Variants in ABCA12 observed in about 807,000 individuals in gnomAD.
ABCA12 encodes the protein glucosylceramide transporter ABCA12.
A neutral mutation model predicts 293.5 loss-of-function variants in ABCA12; 156 were observed. That is an observed-to-expected ratio of 0.53 (90% CI 0.47 to 0.61). The LOEUF is 0.61. Among genes scored for constraint, ABCA12 ranks in the 20% least tolerant of loss-of-function variants. The probability of loss-of-function intolerance (pLI) is 0.00; values close to 1 mark genes in which losing one functional copy is unlikely to be tolerated. For missense variants in ABCA12, 2,797 were observed against 3,090.2 expected (o/e 0.91, Z 2.25); for synonymous variants, 1,063 against 1,108.0 (o/e 0.96, Z 0.81).
intron 3 of ABCA12, among the ~76,000 whole-genome samples, chr2:215,057,400 T>C (rs1440046443): frequency 1.3e-5 from 2 of 151,998 alleles, no homozygotes; most frequent in Non-Finnish European, 1.5e-5. Context: ...ACCATCAATA[T>C]GGAGCTGGAG....
chr2:214,937,323 C>T (rs181437027), intron 51 of ABCA12, among the ~76,000 whole-genome samples, 187 bp downstream of exon 51: 5 of 152,210 alleles, frequency 3.3e-5, no homozygotes, highest in East Asian at 1.9e-4. Context: ...CTCAGCCTCC[C>T]GAGTAGCTGG....
chr2:214,931,566 A>C lies in ABCA12; in HGVS notation c.*1068T>G, dbSNP rs1430851575. 2.2e-5 allele frequency: 3 copies of C among 137,058 alleles called. No homozygotes were observed. Among genetic ancestry groups the C allele is most frequent in the Non-Finnish European group, 5.1e-5 (3 of 59,222 alleles). The allele number at this position is 137,058 out of a possible 1,614,324, so 8.5% of individuals were successfully genotyped here. ...ATGAGTTTTTCTAAACTTTGAGTTT[A>C]TTGGTTTTCGAGACAAACAGTCATG... is the stretch of plus-strand genomic sequence containing the variant. On this transcript the variant is annotated 3_prime_UTR_variant, in exon 53 of 53. Transcript: ENST00000272895.
intron 3 of ABCA12, among the ~76,000 whole-genome samples, chr2:215,055,776 T>TTG (rs1378231986): frequency 6.6e-6 from 1 of 152,068 alleles, no homozygotes; most frequent in Non-Finnish European, 1.5e-5. Context: ...AATGTACTTT[T>TTG]TGCTCCAAAA....
chr2:215,029,690 A>G (rs1277589227), intron 9 of ABCA12, among the ~76,000 whole-genome samples: 2 of 152,158 alleles, frequency 1.3e-5, no homozygotes, highest in Non-Finnish European at 1.5e-5. Flanking sequence ...GTATACTCCA[A>G]AATAAGATCT....
At chr2:214,950,797 A>C in intron 45 of ABCA12, 82 bp downstream of exon 45, 1 of 1,468,234 alleles carries the variant, frequency 6.8e-7, no homozygotes, top group Non-Finnish European at 9.5e-7. Flanking sequence ...GAGCCACTGT[A>C]CCTGGCCAAT....
rs111946930 is a variant in ABCA12 at position 214,997,841 on chromosome 2, C to A, written c.3180-32G>T. On this transcript the variant is annotated intron_variant, in intron 22 of 52. Coordinates refer to ENST00000272895, the MANE Select transcript of ABCA12 (RefSeq NM_173076.3). ...AACAAACAAAAAAAGAAAAATTCAG[C>A]GACCAAAATGAACACCATACTTGCA... The A allele has an allele frequency of 4.5e-4, 608 of 1,353,696 alleles. No homozygotes were observed. The African/African-American group carries it at 8.1e-3, about 18-fold the overall frequency. The allele number at this position is 1,353,696 out of a possible 1,614,324, so 83.9% of individuals were successfully genotyped here. A position where few individuals can be genotyped will look rare whatever the true frequency, so the allele number is the denominator to read the frequency against.
At chr2:214,974,103 A>G in intron 35 of ABCA12, 61 bp from the exon 36 acceptor site, 1 of 1,395,272 alleles carries the variant, frequency 7.2e-7, no homozygotes, top group Middle Eastern at 1.8e-4. Flanking sequence ...ATGTTTACAT[A>G]TGAGCATGTA....
At chr2:214,977,880 C>CTTTTTTTTTTTTTTCCTT (rs1699555308) in intron 33 of ABCA12, among the ~76,000 whole-genome samples, 1 of 140,264 alleles carries the variant, frequency 7.1e-6, no homozygotes, top group African/African-American at 2.6e-5. Context: ...CTTTTTTTTC[C>CTTTTTTTTTTTTTTCCTT]TTTTTTTTTT....
intron 31 of ABCA12, among the ~76,000 whole-genome samples, 188 bp downstream of exon 31, chr2:214,980,295 G>A (rs966595441): frequency 6.1e-4 from 93 of 152,200 alleles, no homozygotes; most frequent in African/African-American, 2.1e-3. Context: ...GACACTCTTG[G>A]GGTGGGGCCA....
chr2:215,124,351 T>A (rs1366965576), intron 1 of ABCA12, among the ~76,000 whole-genome samples: 1 of 152,192 alleles, frequency 6.6e-6, no homozygotes, highest in African/African-American at 2.4e-5. Flanking sequence ...TGGATCAAAT[T>A]GTAGTTCTAG....
chr2:215,032,008 G>T, intron 8 of ABCA12, 112 bp from the exon 9 acceptor site: 1 of 1,575,176 alleles, frequency 6.3e-7, no homozygotes, highest in Non-Finnish European at 8.6e-7. Flanking sequence ...GCAGAAATCT[G>T]CAGAATCATT....
chr2:214,949,100 T>C lies in ABCA12; in HGVS notation c.6902A>G (p.Lys2301Arg). The C allele has an allele frequency of 6.2e-7, 1 of 1,613,934 alleles. No individual in the cohort carries two copies. The highest frequency in any genetic ancestry group is 8.5e-7 in the Non-Finnish European group (1 of 1,179,920). The change falls in exon 46 of 53, where the codon AAG becomes AGG. Residue 2301 changes from lysine to arginine, a missense_variant. Lys to Arg is a conservative substitution (Grantham distance 26). Transcript: ENST00000272895. ...AGGAATGATGTCTCCTGTCAGCATC[T>C]TGAATATAGTGGTCTTTCCTGCTCC... is the stretch of plus-strand genomic sequence containing the variant. Reference protein sequence around the residue: ...VNGAGKTTIFKMLTGDIIPSS... With the variant: ...VNGAGKTTIFRMLTGDIIPSS...
chr2:214,950,794 T>G, intron 45 of ABCA12, 85 bp downstream of exon 45: 2 of 1,455,416 alleles, frequency 1.4e-6, no homozygotes, highest in Non-Finnish European at 1.9e-6. Flanking sequence ...TGTGAGCCAC[T>G]GTACCTGGCC....
chr2:215,085,685 T>C (rs1292919440), intron 2 of ABCA12, among the ~76,000 whole-genome samples: 1 of 152,194 alleles, frequency 6.6e-6, no homozygotes, highest in African/African-American at 2.4e-5. Context: ...TTCCATAACA[T>C]GGGATGTCAT....
At chr2:215,045,748 C>G in intron 7 of ABCA12, 89 bp downstream of exon 7, 1 of 1,198,770 alleles carries the variant, frequency 8.3e-7, no homozygotes, top group South Asian at 1.3e-5. Flanking sequence ...GTTTAAATAA[C>G]CCAGATAACA....
chr2:214,955,160 T>G, intron 43 of ABCA12, 42 bp downstream of exon 43: 1 of 1,602,990 alleles, frequency 6.2e-7, no homozygotes, highest in Non-Finnish European at 8.5e-7. Flanking sequence ...ACCTGGAACA[T>G]GTTGAAGCTT....
At chr2:214,980,733 A>T in intron 30 of ABCA12, 90 bp from the exon 31 acceptor site, 2 of 1,487,328 alleles carry the variant, frequency 1.3e-6, no homozygotes, top group Non-Finnish European at 9.4e-7. Flanking sequence ...ATCCTGTGAC[A>T]TCTGAGAAGA....
intron 1 of ABCA12, among the ~76,000 whole-genome samples, chr2:215,117,064 T>C (rs1702701790): frequency 3.3e-5 from 5 of 152,328 alleles, no homozygotes; most frequent in Admixed American, 2.6e-4. Context: ...AAAATGTACA[T>C]TAAAGTATCT....
At chr2:215,055,751 C>T (rs1322955183) in intron 3 of ABCA12, among the ~76,000 whole-genome samples, 1 of 151,800 alleles carries the variant, frequency 6.6e-6, no homozygotes, top group African/African-American at 2.4e-5. Context: ...AGTGTTTTTC[C>T]AATATTCTCC....
Sources: allele counts gnomAD v4.1 joint callset (sites outside exome capture counted in the v4.1 genomes callset), GRCh38; gene constraint gnomAD v4.1.1; transcripts MANE v1.5; gene names NCBI Gene and HGNC (gene_info 2026-07-23, HGNC 2026-07-21).